NOC4L: variants seen among roughly 807,000 people sequenced by gnomAD.
NOC4L encodes nucleolar complex protein 4 homolog.
Under a neutral mutation model 62.8 loss-of-function variants are expected in NOC4L, and 40 were observed. The ratio of observed to expected loss-of-function variants is 0.64; its 90% confidence interval spans 0.49 to 0.83. The LOEUF is 0.83. Ranked by LOEUF, NOC4L falls within the 40% of genes least tolerant of loss-of-function variation. The pLI, the probability that NOC4L is intolerant of heterozygous loss-of-function variation, is 0.00. For missense variants in NOC4L, 927 were observed against 701.9 expected (o/e 1.32, Z -3.62); for synonymous variants, 433 against 299.8 (o/e 1.44, Z -4.59).
Position 132,148,632 on chromosome 12 carries a change from C to G in NOC4L, c.762C>G (p.Ala254=). The G allele has an allele frequency of 6.5e-7, 1 of 1,543,954 alleles. No individual in the cohort carries two copies. Among genetic ancestry groups the G allele is most frequent in the Non-Finnish European group, 8.7e-7 (1 of 1,143,630 alleles). Reference sequence around the variant, plus strand: ...AGGAGCACAGGAGGGTTTTCCAGGCCATGTGGCTCAGCTTCCTCAAGCACA... The same window carrying G: ...AGGAGCACAGGAGGGTTTTCCAGGCGATGTGGCTCAGCTTCCTCAAGCACA... ...HLKEHRRVFQ[A]MWLSFLKHKL... The change falls in exon 8 of 15, where the codon GCC becomes GCG. Residue 254 remains alanine, a synonymous_variant. Transcript: ENST00000330579.
chr12:132,148,659 G>C lies in NOC4L; in HGVS notation c.789G>C (p.Lys263Asn). The stretch of plus-strand genomic sequence containing the variant: ...TGTGGCTCAGCTTCCTCAAGCACAA[G>C]GTAGGGGCCAGGCCGGGGAGGGGGC... ...QAMWLSFLKH[K>N]LPLSLYKKVL... The change falls in exon 8 of 15, where the codon AAG becomes AAC. Residue 263 changes from lysine (K) to asparagine (N), a missense_variant and splice_region_variant. By Grantham distance (94) the Lys-to-Asn change is moderately conservative. Coordinates refer to ENST00000330579, the MANE Select transcript of NOC4L (RefSeq NM_024078.3). 1 of 1,547,836 alleles carries C rather than the reference G, an allele frequency of 6.5e-7. No individual in the cohort carries two copies. The highest frequency in any genetic ancestry group is 8.7e-7 in the Non-Finnish European group (1 of 1,145,666).
chr12:132,144,557 G>T lies in NOC4L; in HGVS notation c.69G>T (p.Ala23=). 1 of 1,521,008 alleles carries T rather than the reference G, an allele frequency of 6.6e-7. No individual in the cohort carries two copies. Among genetic ancestry groups the T allele is most frequent in the Non-Finnish European group, 8.8e-7 (1 of 1,142,284 alleles). 94.2% of individuals were successfully genotyped at this position (1,521,008 alleles called of 1,614,324 possible). A position where few individuals can be genotyped will look rare whatever the true frequency, so the allele number is the denominator to read the frequency against. Residue 23 remains alanine, a synonymous_variant, in exon 1 of 15, where the codon GCG becomes GCT. Transcript: ENST00000330579. ...GCCGCCGGCTGGAGGCGGTGCTGGC[G>T]AGCCGCAGTGAGGCCAACGCCGTGT... ...ALGRRLEAVL[A]SRSEANAVFD...
chr12:132,151,421 GC>G lies in NOC4L; in HGVS notation c.1073+55del, dbSNP rs1303191220. 12 of 1,601,860 alleles carry G rather than the reference GC, an allele frequency of 7.5e-6. No homozygotes were observed. In the Admixed American group the frequency reaches 2.0e-4, roughly 27 times the overall value. ...CTGCTCTGTGCGGCTGCAGCCTGGG[GC>G]CAGGGGAGGGTGGTGGGGGCTAGCA... is the stretch of plus-strand genomic sequence containing the variant. On this transcript the variant is annotated intron_variant, in intron 11 of 14. Coordinates refer to ENST00000330579, the MANE Select transcript of NOC4L (RefSeq NM_024078.3).
At chr12:132,148,005 G>A in intron 6 of NOC4L, 26 bp downstream of exon 6, 3 of 1,612,738 alleles carry the variant, frequency 1.9e-6, no homozygotes, top group Non-Finnish European at 2.5e-6. Flanking sequence ...GTCAGGGGCG[G>A]ACAGGGCTGA....
intron 3 of NOC4L, among the ~76,000 whole-genome samples, chr12:132,146,956 C>G (rs1593427584): frequency 6.6e-6 from 1 of 152,276 alleles, no homozygotes; most frequent in East Asian, 1.9e-4. Flanking sequence ...CAGCTGTTCC[C>G]AAGGGTTATG....
chr12:132,144,586 A>G lies in NOC4L; in HGVS notation c.98A>G (p.Asp33Gly). Reference protein sequence around the residue: ...ASRSEANAVFDILAVLQSEDQ... With the variant: ...ASRSEANAVFGILAVLQSEDQ... Reference sequence around the variant, plus strand: ...CGCAGTGAGGCCAACGCCGTGTTCGACATCCTGGCCGTGCTGCAGGTGGGC... The same window carrying G: ...CGCAGTGAGGCCAACGCCGTGTTCGGCATCCTGGCCGTGCTGCAGGTGGGC... The change falls in exon 1 of 15, where the codon GAC becomes GGC. Residue 33 changes from aspartate to glycine, a missense_variant. By Grantham distance (94) the Asp-to-Gly change is moderately conservative. Coordinates refer to ENST00000330579, the MANE Select transcript of NOC4L (RefSeq NM_024078.3). The G allele has an allele frequency of 6.6e-7, 1 of 1,522,222 alleles. No individual in the cohort carries two copies. The highest frequency in any genetic ancestry group is 8.8e-7 in the Non-Finnish European group (1 of 1,141,550). The allele number at this position is 1,522,222 out of a possible 1,614,324, so 94.3% of individuals were successfully genotyped here. A position where few individuals can be genotyped will look rare whatever the true frequency, so the allele number is the denominator to read the frequency against.
intron 3 of NOC4L, 142 bp downstream of exon 3, chr12:132,145,807 G>T (rs1228293943): frequency 6.6e-6 from 4 of 606,542 alleles, no homozygotes; most frequent in Non-Finnish European, 1.2e-5. Context: ...TGGGTGTTCA[G>T]TCCCATTCAG....
At chr12:132,148,182 G>A in intron 7 of NOC4L, 76 bp downstream of exon 7, 1 of 1,473,596 alleles carries the variant, frequency 6.8e-7, no homozygotes, top group Non-Finnish European at 9.4e-7. Flanking sequence ...ACCCCATGGA[G>A]GCTGCCGCCT....
At position 132,148,802 on chromosome 12, in the gene NOC4L, A is replaced by G. The variant is rs1279646252; in HGVS notation, c.808A>G (p.Lys270Glu). 2 of 1,558,480 alleles carry G rather than the reference A, an allele frequency of 1.3e-6. No homozygotes were observed. Among genetic ancestry groups the G allele is most frequent in the Non-Finnish European group, 1.7e-6 (2 of 1,157,152 alleles). ...CGCCCAGCTGCCCCTCAGCCTCTACAAGAAGGTGCTGCTGATTGTGCATGA... is the reference window on the plus strand; with the variant it reads ...CGCCCAGCTGCCCCTCAGCCTCTACGAGAAGGTGCTGCTGATTGTGCATGA... ...LKHKLPLSLYKKVLLIVHDAI... is the reference protein window; with the variant it reads ...LKHKLPLSLYEKVLLIVHDAI... The change falls in exon 9 of 15, where the codon AAG (lysine) becomes GAG (glutamate). Residue 270 changes from lysine to glutamate, a missense_variant. Lys to Glu is a moderately conservative substitution (Grantham distance 56). Transcript: ENST00000330579.
At chr12:132,151,097 T>C in intron 10 of NOC4L, 56 bp downstream of exon 10, 1 of 1,528,760 alleles carries the variant, frequency 6.5e-7, no homozygotes, top group Non-Finnish European at 9.0e-7. Flanking sequence ...CCTGCTCCTC[T>C]GTCCCCTTCC....
At chr12:132,148,184 C>A in intron 7 of NOC4L, 78 bp downstream of exon 7, 2 of 1,456,778 alleles carry the variant, frequency 1.4e-6, no homozygotes, top group Non-Finnish European at 1.9e-6. Flanking sequence ...CCCATGGAGG[C>A]TGCCGCCTTC....
At chr12:132,145,708 C>A in intron 3 of NOC4L, 43 bp downstream of exon 3, 1 of 1,366,332 alleles carries the variant, frequency 7.3e-7, no homozygotes, top group Non-Finnish European at 1.0e-6. Context: ...TCCCCTGCAC[C>A]CCAACTCCCA....
rs1897799325 is a variant in NOC4L, at chr12:132,148,229, G to A, written c.738+123G>A. On this transcript the variant is annotated intron_variant, in intron 7 of 14. Transcript: ENST00000330579. ...GGAAACTCCCAGGGTACAGGTGGCAGCTTGCACGGCCACCAGGTCACTCGA... is the reference window on the plus strand; with the variant it reads ...GGAAACTCCCAGGGTACAGGTGGCAACTTGCACGGCCACCAGGTCACTCGA... 5.3e-5 allele frequency: 51 copies of A among 970,248 alleles called. No homozygotes were observed. The South Asian group carries it at 6.7e-4, about 13-fold the overall frequency. 60.1% of individuals were successfully genotyped at this position (970,248 alleles called of 1,614,324 possible).
Position 132,151,505 on chromosome 12 carries a change from G to A in NOC4L, c.1095G>A (p.Val365=), listed in dbSNP as rs375514217. The change falls in exon 12 of 15, where the codon GTG becomes GTA. Residue 365 remains valine (V), a synonymous_variant. Transcript: ENST00000330579. The stretch of plus-strand genomic sequence containing the variant: ...CCAGCCACCTCCCCGCCTACCTGGT[G>A]GCCGCCTTCGCCAAGCGGCTGGCCC... The part of the protein sequence containing the change: ...LSSSHLPAYL[V]AAFAKRLARL... The A allele has an allele frequency of 1.2e-5, 20 of 1,604,768 alleles. No homozygotes were observed. The highest frequency in any genetic ancestry group is 1.4e-5 in the Non-Finnish European group (17 of 1,179,214).
At chr12:132,148,725 C>A (rs61942925) in intron 8 of NOC4L, 59 bp from the exon 9 acceptor site, 2 of 1,406,820 alleles carry the variant, frequency 1.4e-6, no homozygotes, top group Admixed American at 2.4e-5. Context: ...GAGGCCTCAC[C>A]CCGACCCGCC....
At chr12:132,147,519 C>A in intron 4 of NOC4L, 114 bp from the exon 5 acceptor site, 1 of 1,472,658 alleles carries the variant, frequency 6.8e-7, no homozygotes, top group Non-Finnish European at 9.1e-7. Context: ...GCTCCTGTGG[C>A]CCACCCAACC....
In NOC4L at chr12:132,152,325, C is replaced by T; in HGVS notation, c.1475C>T (p.Pro492Leu). 6.4e-7 allele frequency: 1 copy of T among 1,566,940 alleles called. No individual in the cohort carries two copies. The highest frequency in any genetic ancestry group is 1.2e-5 in the South Asian group (1 of 85,940). The change falls in exon 15 of 15, where the codon CCA becomes CTA. Residue 492 changes from proline to leucine, a missense_variant. Transcript: ENST00000330579. The stretch of plus-strand genomic sequence containing the variant: ...AAGAAGAAGGGGCCCGAGCCGGTGC[C>T]ACTGGAGTTTATCCCAGCCCAGGGC... ...DLKKKGPEPV[P>L]LEFIPAQGLL...
intron 4 of NOC4L, 118 bp from the exon 5 acceptor site, chr12:132,147,515 G>A: frequency 6.8e-7 from 1 of 1,472,842 alleles, no homozygotes; most frequent in Non-Finnish European, 9.1e-7. Context: ...TGTGGCTCCT[G>A]TGGCCCACCC....
In NOC4L at chr12:132,147,919, TCTGCCGTGAGC is replaced by T; in HGVS notation, c.649_659del (p.Val217ProfsTer58). On this transcript the variant is annotated frameshift_variant, in exon 6 of 15. Transcript: ENST00000330579. LOFTEE classifies it high-confidence loss of function. ...TTGGAACAATGCCTTCACGCTGCTG[TCTGCCGTGAGC>T]CTGCCCCGCCGGGAGCCCACCGTCT... 1.2e-6 allele frequency: 2 copies of T among 1,603,904 alleles called. No individual in the cohort carries two copies. Among genetic ancestry groups the T allele is most frequent in the Non-Finnish European group, 1.7e-6 (2 of 1,176,148 alleles).
Sources: allele counts gnomAD v4.1 joint callset (sites outside exome capture counted in the v4.1 genomes callset), GRCh38; gene constraint gnomAD v4.1.1; transcripts MANE v1.5; gene names NCBI Gene and HGNC (gene_info 2026-07-23, HGNC 2026-07-21).